The following MRPS10 variants were observed in gnomAD, a reference collection of about 807,000 sequenced individuals.
The protein encoded by MRPS10 is small ribosomal subunit protein uS10m.
Under a neutral mutation model 27.5 loss-of-function variants are expected in MRPS10, and 23 were observed. The observed-to-expected ratio is 0.84, with a 90% confidence interval of 0.60 to 1.18. MRPS10 has a LOEUF of 1.18. MRPS10 is among the 50% of genes most tolerant of loss of function. The probability of loss-of-function intolerance (pLI) is 0.00; values close to 1 mark genes in which losing one functional copy is unlikely to be tolerated. For missense variants in MRPS10, 237 were observed against 240.1 expected (o/e 0.99, Z 0.09); for synonymous variants, 88 against 84.2 (o/e 1.04, Z -0.25).
intron 5 of MRPS10, 24 bp from the exon 6 acceptor site, chr6:42,208,971 T>C (rs1279575155): frequency 3.3e-6 from 5 of 1,515,058 alleles, no homozygotes; most frequent in Non-Finnish European, 4.5e-6. Flanking sequence ...CATGAAAATG[T>C]TTCATGTAAG....
chr6:42,208,977 G>A (rs750321579), intron 5 of MRPS10, 30 bp from the exon 6 acceptor site: 1 of 1,408,218 alleles, frequency 7.1e-7, no homozygotes, highest in Admixed American at 1.9e-5. Flanking sequence ...AATGTTTCAT[G>A]TAAGCTGTTT....
chr6:42,215,359 C>CAAAACAAAAAA, intron 1 of MRPS10, among the ~76,000 whole-genome samples: 1 of 73,270 alleles, frequency 1.4e-5, no homozygotes, highest in East Asian at 4.6e-4. Flanking sequence ...GACTCCCTCT[C>CAAAACAAAAAA]AAAAAAAAAA....
At position 42,207,243 on chromosome 6, in the gene MRPS10, C is replaced by T. The variant is rs1426090925; in HGVS notation, c.*1046G>A. 4.2e-5 allele frequency: 6 copies of T among 143,774 alleles called. No individual in the cohort carries two copies. The highest frequency in any genetic ancestry group is 4.2e-4 in the East Asian group (2 of 4,766). The allele number at this position is 143,774 out of a possible 1,614,324, so 8.9% of individuals were successfully genotyped here. On this transcript the variant is annotated 3_prime_UTR_variant, in exon 7 of 7. Transcript: ENST00000053468. ...CAATTTTCTTTTTTTTTTTTTGAGA[C>T]GGCGTCTCGCTCTGTCGCCAGGCTG...
intron 5 of MRPS10, 55 bp from the exon 6 acceptor site, chr6:42,209,002 T>C (rs1046999787): frequency 6.0e-6 from 7 of 1,169,670 alleles, no homozygotes; most frequent in Admixed American, 2.4e-5. Context: ...AAGCACGGTT[T>C]TTTGTTTTTT....
chr6:42,216,155 G>A (rs940737220), intron 1 of MRPS10, among the ~76,000 whole-genome samples: 4 of 150,418 alleles, frequency 2.7e-5, no homozygotes, highest in African/African-American at 9.8e-5. Context: ...TCCTGAGTAG[G>A]TGGGATTACA....
chr6:42,208,913 T>C lies in MRPS10; in HGVS notation c.467A>G (p.Tyr156Cys). The change falls in exon 6 of 7, where the codon TAC becomes TGC. Residue 156 changes from tyrosine (Y) to cysteine (C), a missense_variant. Transcript: ENST00000053468. ...EHLTGSTADV[Y>C]LEYIQRNLPE... ...TAAGTTTCGCTGAATATATTCCAAG[T>C]AGACATCTGCTGTGCTTCCAGTTAG... The C allele has an allele frequency of 3.7e-6, 6 of 1,612,034 alleles. No homozygotes were observed. The highest frequency in any genetic ancestry group is 5.1e-6 in the Non-Finnish European group (6 of 1,178,552).
intron 1 of MRPS10, 101 bp downstream of exon 1, chr6:42,217,697 GATAA>G (rs1259660302): frequency 3.3e-6 from 4 of 1,197,910 alleles, no homozygotes; most frequent in Non-Finnish European, 4.9e-6. Flanking sequence ...CGAGGTGAGG[GATAA>G]ATATCAGGAA....
intron 1 of MRPS10, among the ~76,000 whole-genome samples, chr6:42,216,935 A>G (rs1040898640): frequency 2.0e-5 from 3 of 152,214 alleles, no homozygotes; most frequent in Non-Finnish European, 4.4e-5. Flanking sequence ...AACGTCATTT[A>G]CAACTTTTCC....
chr6:42,212,104 G>C (rs1582350512), intron 3 of MRPS10, among the ~76,000 whole-genome samples, 187 bp from the exon 4 acceptor site: 1 of 152,174 alleles, frequency 6.6e-6, no homozygotes, highest in East Asian at 1.9e-4. Flanking sequence ...ATGAGCCTCA[G>C]AATCTGTTAA....
At chr6:42,209,037 T>C (rs1768696680) in intron 5 of MRPS10, 90 bp from the exon 6 acceptor site, 9 of 805,968 alleles carry the variant, frequency 1.1e-5, no homozygotes, top group Non-Finnish European at 1.8e-5. Context: ...TCTCACTCTG[T>C]TGCCTGGGCT....
intron 3 of MRPS10, among the ~76,000 whole-genome samples, chr6:42,212,367 T>A (rs9357391): frequency 0.55 from 83,133 of 152,102 alleles, 24,587 homozygotes; most frequent in East Asian, 0.83. Flanking sequence ...ACCTATGCTA[T>A]TGCTCATAGT....
At chr6:42,216,385 A>AGAGAGAGAGAGTGTGGGTGTGTGTGTGT in intron 1 of MRPS10, among the ~76,000 whole-genome samples, 1 of 58,642 alleles carries the variant, frequency 1.7e-5, no homozygotes, top group Non-Finnish European at 4.0e-5. Flanking sequence ...AGAGAGAGAG[A>AGAGAGAGAGAGTGTGGGTGTGTGTGTGT]GTGTGTGTGT....
chr6:42,215,740 A>T (rs1433643236), intron 1 of MRPS10, among the ~76,000 whole-genome samples: 2 of 152,156 alleles, frequency 1.3e-5, no homozygotes, highest in Non-Finnish European at 2.9e-5. Flanking sequence ...TTAAAAGCCT[A>T]TTCTTAGCTT....
intron 3 of MRPS10, among the ~76,000 whole-genome samples, chr6:42,212,457 G>C (rs933154342): frequency 9.2e-5 from 14 of 152,016 alleles, no homozygotes; most frequent in African/African-American, 3.1e-4. Flanking sequence ...AGCCAAGTTA[G>C]TTCTATTCAT....
In MRPS10 at chr6:42,213,092, T is replaced by A. The variant is rs77845271; in HGVS notation, c.186+1028A>T. Among the ~76,000 whole-genome samples the A allele has an allele frequency of 6.0e-3, 921 of 152,328 alleles. 12 individuals are homozygous for A. The highest frequency in any genetic ancestry group is 0.021 in the African/African-American group (882 of 41,578). ...ATGCCAATTCTGCCACCTTTTCTTA[T>A]AGGCCTGGCTCCTGCAGGCATGTGA... On this transcript the variant is annotated intron_variant, in intron 3 of 6. Coordinates refer to ENST00000053468, the MANE Select transcript of MRPS10 (RefSeq NM_018141.4).
intron 4 of MRPS10, among the ~76,000 whole-genome samples, chr6:42,210,897 T>C (rs1768753833): frequency 6.6e-6 from 1 of 152,240 alleles, no homozygotes; most frequent in Admixed American, 6.5e-5. Flanking sequence ...TGACCAAATA[T>C]ATTAATTGTG....
In MRPS10 at chr6:42,207,941, A is replaced by AGTTG. The variant is rs1768652926; in HGVS notation, c.*347_*348insCAAC. The AGTTG allele has an allele frequency of 1.2e-5, 3 of 255,148 alleles. No individual in the cohort carries two copies. The highest frequency in any genetic ancestry group is 1.2e-4 in the Admixed American group (2 of 16,552). 15.8% of individuals were successfully genotyped at this position (255,148 alleles called of 1,614,324 possible). On this transcript the variant is annotated 3_prime_UTR_variant, in exon 7 of 7. Coordinates refer to ENST00000053468, the MANE Select transcript of MRPS10 (RefSeq NM_018141.4). ...AAAAAAATAAGGGTACGAACACTCC[A>AGTTG]AGCACTTATTTTCAGATGCATCAAC...
chr6:42,210,886 T>C (rs1768753598), intron 4 of MRPS10, among the ~76,000 whole-genome samples: 1 of 152,254 alleles, frequency 6.6e-6, no homozygotes, highest in Admixed American at 6.5e-5. Flanking sequence ...TAGTCTTTTA[T>C]TGACCAAATA....
In MRPS10 at chr6:42,208,830, C is replaced by T. The variant is rs747508233; in HGVS notation, c.522+28G>A. ...ACAGATACCACTCCCCACCGCCCCA[C>T]CGAAAGAGGCAGAAATTCAAGCTAT... On this transcript the variant is annotated intron_variant, in intron 6 of 6. Coordinates refer to ENST00000053468, the MANE Select transcript of MRPS10 (RefSeq NM_018141.4). The T allele has an allele frequency of 1.0e-5, 15 of 1,485,896 alleles. 1 individual carries two copies. The South Asian group carries it at 1.5e-4, about 15-fold the overall frequency. The allele number at this position is 1,485,896 out of a possible 1,614,324, so 92.0% of individuals were successfully genotyped here.
Sources: allele counts gnomAD v4.1 joint callset (sites outside exome capture counted in the v4.1 genomes callset), GRCh38; gene constraint gnomAD v4.1.1; transcripts MANE v1.5; gene names NCBI Gene and HGNC (gene_info 2026-07-23, HGNC 2026-07-21).